Variants in TENM1 observed in about 807,000 individuals in gnomAD.
TENM1 encodes teneurin transmembrane protein 1.
Under a neutral mutation model 174.8 loss-of-function variants are expected in TENM1, and 35 were observed. That is an observed-to-expected ratio of 0.20 (90% CI 0.15 to 0.27). The LOEUF (loss-of-function observed/expected upper bound fraction) is 0.27, where lower values mean the gene tolerates loss of function less well. TENM1 is among the 10% of genes least tolerant of loss of function. The pLI is 1.00. For synonymous variants in TENM1, 781 were observed against 798.7 expected, an observed-to-expected ratio of 0.98 and a Z score of 0.37; for missense variants, 1,633 against 2,130.1, an observed-to-expected ratio of 0.77 and a Z score of 4.59.
intron 11 of TENM1, among the ~76,000 whole-genome samples, chrX:124,633,069 C>G (rs912208957): frequency 8.9e-6 from 1 of 112,025 alleles, no homozygotes; most frequent in Non-Finnish European, 1.9e-5. Flanking sequence ...ACAGACACAC[C>G]TTGTAAATAC....
chrX:124,897,868 C>T (rs28652755), intron 1 of TENM1, among the ~76,000 whole-genome samples: 11,063 of 111,905 alleles, frequency 0.099, 1,285 homozygotes, highest in African/African-American at 0.34. Context: ...ATGCTTCTTC[C>T]TGCCATAAGG....
At chrX:125,186,576 T>TA in the TENM1 span, among the ~76,000 whole-genome samples, 2 of 105,386 alleles carry the variant, frequency 1.9e-5, no homozygotes, top group East Asian at 6.0e-4. Flanking sequence ...AAATGCTGGT[T>TA]GAAAAAAAAA....
intron 23 of TENM1, among the ~76,000 whole-genome samples, chrX:124,446,186 T>C (rs1312267701): frequency 8.9e-6 from 1 of 112,258 alleles, no homozygotes; most frequent in African/African-American, 3.2e-5. Context: ...CTAAATACAA[T>C]GCTATTTGGC....
At chrX:124,870,487 G>T (rs5911908) in intron 3 of TENM1, among the ~76,000 whole-genome samples, 10,476 of 111,444 alleles carry the variant, frequency 0.094, 389 homozygotes, top group South Asian at 0.23. Flanking sequence ...GGTGCAAACT[G>T]CAGTAGTGTG....
the TENM1 span, among the ~76,000 whole-genome samples, chrX:125,063,746 G>C: frequency 1.8e-5 from 2 of 111,509 alleles, no homozygotes; most frequent in Non-Finnish European, 3.8e-5. Context: ...GTGGAAGTCG[G>C]TGTGGTGATT....
At chrX:124,562,101 T>A (rs1401367735) in intron 13 of TENM1, among the ~76,000 whole-genome samples, 1 of 111,861 alleles carries the variant, frequency 8.9e-6, no homozygotes, top group Non-Finnish European at 1.9e-5. Context: ...GGGGCAAGAA[T>A]TCTTTTTTTC....
At chrX:124,784,561 C>T (rs774567267) in intron 3 of TENM1, among the ~76,000 whole-genome samples, 70 of 111,556 alleles carry the variant, frequency 6.3e-4, no homozygotes, top group African/African-American at 2.2e-3. Context: ...GCTCCTGTGG[C>T]AGTTATATGA....
chrX:124,973,847 C>T, the TENM1 span, among the ~76,000 whole-genome samples: 2 of 111,875 alleles, frequency 1.8e-5, no homozygotes, highest in African/African-American at 3.3e-5. Flanking sequence ...TCTCAGCAAA[C>T]TAACACAGGA....
intron 3 of TENM1, among the ~76,000 whole-genome samples, chrX:124,767,914 T>C (rs1281734913): frequency 8.9e-6 from 1 of 111,795 alleles, no homozygotes; most frequent in Admixed American, 9.5e-5. Context: ...TCATTTAATA[T>C]TTTCTGATAT....
chrX:124,387,493 T>C (rs751535979), intron 28 of TENM1, among the ~76,000 whole-genome samples: 2 of 112,204 alleles, frequency 1.8e-5, no homozygotes, highest in East Asian at 5.6e-4. Flanking sequence ...GAGATTTAGT[T>C]GAGGGTTATT....
At chrX:124,871,170 G>T (rs2057102217) in intron 3 of TENM1, among the ~76,000 whole-genome samples, 1 of 111,376 alleles carries the variant, frequency 9.0e-6, no homozygotes, top group Admixed American at 9.6e-5. Flanking sequence ...TCCCCTGTTT[G>T]GTCTTTGGTA....
At chrX:124,518,205 G>A (rs965322893) in intron 18 of TENM1, among the ~76,000 whole-genome samples, 2 of 110,599 alleles carry the variant, frequency 1.8e-5, no homozygotes, top group Non-Finnish European at 3.8e-5. Flanking sequence ...ATTGTCTAAT[G>A]TAGTCTGCAG....
At chrX:124,908,066 G>A (rs2057777180) in intron 1 of TENM1, among the ~76,000 whole-genome samples, 1 of 111,848 alleles carries the variant, frequency 8.9e-6, no homozygotes, top group Admixed American at 9.5e-5. Flanking sequence ...CCCTAGTCCT[G>A]GGGCAGAAAT....
chrX:125,071,410 A>G, the TENM1 span, among the ~76,000 whole-genome samples: 2 of 111,980 alleles, frequency 1.8e-5, no homozygotes, highest in African/African-American at 3.2e-5. Flanking sequence ...TTTCCCGTAC[A>G]ATAAGAACAG....
chrX:125,057,098 TGA>T, the TENM1 span, among the ~76,000 whole-genome samples: 38 of 112,090 alleles, frequency 3.4e-4, no homozygotes, highest in African/African-American at 1.2e-3. Context: ...ATGTACAGCC[TGA>T]GTCGATTATT....
Position 124,510,187 on chromosome X carries a change from CATA to C in TENM1, c.3302-6487_3302-6485del, listed in dbSNP as rs200604819. ...ATATTTACTCCAGTTTGATAGATAT[CATA>C]GAGACTCAAAGAAATGAAGTTATTA... On this transcript the variant is annotated intron_variant, in intron 18 of 31. Coordinates refer to ENST00000422452, the Ensembl canonical transcript of TENM1. 1.7e-4 allele frequency among the ~76,000 whole-genome samples: 16 copies of C among 95,588 alleles called. No individual in the cohort carries two copies. The East Asian group carries it at 4.1e-3, about 25-fold the overall frequency. The allele number at this position is 95,588 out of a possible 115,157, so 83.0% of individuals were successfully genotyped here.
the TENM1 span, among the ~76,000 whole-genome samples, chrX:125,157,962 G>A: frequency 2.7e-5 from 3 of 111,250 alleles, no homozygotes; most frequent in Admixed American, 9.5e-5. Context: ...AATGTATATA[G>A]AAAATATCAT....
At chrX:124,428,844 T>G (rs757855195) in intron 23 of TENM1, among the ~76,000 whole-genome samples, 1 of 112,058 alleles carries the variant, frequency 8.9e-6, no homozygotes, top group Non-Finnish European at 1.9e-5. Flanking sequence ...GCCACCTTTA[T>G]GAGTTTTGCC....
At position 124,923,340 on chromosome X, in the gene TENM1, G is replaced by T. The variant is rs771617622; in HGVS notation, c.218-27099C>A. On this transcript the variant is annotated intron_variant, in intron 1 of 31. Coordinates refer to ENST00000422452, the Ensembl canonical transcript of TENM1. ...ATATCTTCATCTGTTCCTTTATTTT[G>T]AAACAGTTTCATCATTTTGTTTAAT... Among the ~76,000 whole-genome samples, 14 of 111,245 alleles carry T rather than the reference G, an allele frequency of 1.3e-4. No homozygotes were observed. The East Asian group carries it at 4.0e-3, about 31-fold the overall frequency.
Sources: gnomAD v4.1 joint callset for allele counts (sites outside exome capture counted in the v4.1 genomes callset) on GRCh38, gnomAD v4.1.1 for gene constraint, MANE v1.5 for transcripts, NCBI Gene and HGNC (gene_info 2026-07-23, HGNC 2026-07-21) for gene names.